Variants in ASIP observed in about 807,000 individuals in gnomAD.
ASIP encodes agouti-signaling protein.
In ASIP, 11 loss-of-function variants were observed where a neutral mutation model predicts 10.3. The ratio of observed to expected loss-of-function variants is 1.07; its 90% CI spans 0.68 to 1.78. The LOEUF is 1.78. Ranked by LOEUF, ASIP falls within the 40% of genes most tolerant of loss-of-function variation. ASIP has a pLI of 0.00. For missense variants in ASIP, 180 were observed against 169.2 expected (o/e 1.06, Z -0.35); for synonymous variants, 70 against 70.8 (o/e 0.99, Z 0.06).
At chr20:34,193,248 CA>C (rs1023396928), upstream of ASIP, among the ~76,000 whole-genome samples, 5 of 152,242 alleles carry the variant, frequency 3.3e-5, no homozygotes, top group African/African-American at 1.2e-4. Flanking sequence ...AGCATTTCTA[CA>C]ACCTCTTTAA....
chr20:34,216,434 A>C (rs2035009529), intron 1 of ASIP, among the ~76,000 whole-genome samples: 2 of 152,250 alleles, frequency 1.3e-5, no homozygotes, highest in South Asian at 4.1e-4. Context: ...AAGCAAAAAA[A>C]TAAATTTTCT....
chr20:34,195,189 C>G (rs2034847217), intron 1 of ASIP, among the ~76,000 whole-genome samples: 1 of 151,588 alleles, frequency 6.6e-6, no homozygotes, highest in African/African-American at 2.4e-5. Context: ...CAGAGCCCTA[C>G]TGAGCTGTAG....
intron 1 of ASIP, among the ~76,000 whole-genome samples, chr20:34,207,607 A>C (rs185547620): frequency 1.0e-3 from 156 of 152,308 alleles, no homozygotes; most frequent in African/African-American, 3.4e-3. Context: ...TGCCAGGACC[A>C]ACATCCTCAA....
chr20:34,258,674 C>CATATATATATATATATATAT (rs772655085), intron 1 of ASIP, among the ~76,000 whole-genome samples: 358 of 12,128 alleles, frequency 0.03, 55 homozygotes, highest in South Asian at 0.069. Context: ...AGGGGGATGC[C>CATATATATATATATATATAT]ATATATATAT....
At chr20:34,249,476 C>T (rs908694299) in intron 1 of ASIP, among the ~76,000 whole-genome samples, 3 of 152,132 alleles carry the variant, frequency 2.0e-5, no homozygotes, top group Non-Finnish European at 4.4e-5. Flanking sequence ...TCTTCATAAC[C>T]ACTGTGTCAT....
chr20:34,235,913 A>AGGAAGGAG (rs2035195420), intron 1 of ASIP, among the ~76,000 whole-genome samples: 4 of 107,106 alleles, frequency 3.7e-5, no homozygotes, highest in African/African-American at 9.3e-5. Context: ...GAAGGAAGGA[A>AGGAAGGAG]GGAAGGAAGG....
At chr20:34,190,616 C>T (rs2034819012), upstream of ASIP, among the ~76,000 whole-genome samples, 1 of 152,204 alleles carries the variant, frequency 6.6e-6, no homozygotes, top group African/African-American at 2.4e-5. Flanking sequence ...GTAAACAGAA[C>T]TCACCCCCTT....
At chr20:34,260,622 C>T (rs1168520412) in intron 2 of ASIP, 88 bp downstream of exon 2, 4 of 1,372,220 alleles carry the variant, frequency 2.9e-6, no homozygotes, top group Non-Finnish European at 4.0e-6. Flanking sequence ...GGATCCACCG[C>T]CATGGTCACG....
chr20:34,265,966 AG>A lies in ASIP; in HGVS notation c.223-3018del, dbSNP rs145894033. Reference sequence around the variant, plus strand: ...CTGTCTCAAAAAAAAACAAAAGCGGAGGGGGGGAAGTTAAAACATTGTTAGT... The same window carrying A: ...CTGTCTCAAAAAAAAACAAAAGCGGAGGGGGGAAGTTAAAACATTGTTAGT... On this transcript the variant is annotated intron_variant, in intron 3 of 3. Coordinates refer to ENST00000374954, the MANE Select transcript of ASIP (RefSeq NM_001672.3). 7.2e-5 allele frequency among the ~76,000 whole-genome samples: 11 copies of A among 151,956 alleles called. No homozygotes were observed. The East Asian group carries it at 7.8e-4, about 11-fold the overall frequency.
chr20:34,215,700 T>G (rs183013364), intron 1 of ASIP: 2 of 1,435,640 alleles, frequency 1.4e-6, no homozygotes, highest in Non-Finnish European at 2.0e-6. Context: ...TATTTGTATT[T>G]AACTTGATGT....
chr20:34,266,764 T>C (rs534534255), intron 3 of ASIP, among the ~76,000 whole-genome samples: 141 of 152,320 alleles, frequency 9.3e-4, no homozygotes, highest in African/African-American at 3.4e-3. Flanking sequence ...CCCTTTCAAG[T>C]TGAAAAAGAT....
chr20:34,248,367 CT>C (rs1216754478), intron 1 of ASIP, among the ~76,000 whole-genome samples: 1 of 152,166 alleles, frequency 6.6e-6, no homozygotes, highest in East Asian at 1.9e-4. Flanking sequence ...ACTAAAACCA[CT>C]TTTAAGTTAT....
chr20:34,269,170 G>GCC lies in ASIP; in HGVS notation c.*7_*8dup. 6.6e-7 allele frequency: 1 copy of GCC among 1,516,508 alleles called. No homozygotes were observed. The highest frequency in any genetic ancestry group is 8.8e-7 in the Non-Finnish European group (1 of 1,131,206). The allele number at this position is 1,516,508 out of a possible 1,614,324, so 93.9% of individuals were successfully genotyped here. A position where few individuals can be genotyped will look rare whatever the true frequency, so the allele number is the denominator to read the frequency against. ...GCGTGCTCAGCCTCAACTGCTGAGC[G>GCC]CCCCCACTCCCGGCCGCGAGCAGGC... On this transcript the variant is annotated 3_prime_UTR_variant, in exon 4 of 4. Coordinates refer to ENST00000374954, the MANE Select transcript of ASIP (RefSeq NM_001672.3).
At chr20:34,214,915 T>C in intron 1 of ASIP, 1 of 1,503,062 alleles carries the variant, frequency 6.7e-7, no homozygotes, top group Non-Finnish European at 9.3e-7. Flanking sequence ...CTCTTGAGCA[T>C]TCTTAATATT....
Position 34,213,616 on chromosome 20 carries a change from G to A in ASIP, c.-11+18856G>A, listed in dbSNP as rs183040505. On this transcript the variant is annotated intron_variant, in intron 1 of 3. Coordinates refer to the ASIP transcript ENST00000568305. ...GGATACTTGTACCTTGAATTTGGCCGTAATCTGGTTGATAAGAGGAATGAA... is the reference window on the plus strand; with the variant it reads ...GGATACTTGTACCTTGAATTTGGCCATAATCTGGTTGATAAGAGGAATGAA... 106 of 1,565,924 alleles carry A rather than the reference G, an allele frequency of 6.8e-5. No homozygotes were observed. The Admixed American group carries it at 9.3e-4, about 14-fold the overall frequency.
rs1410636513 is a variant in ASIP at position 34,241,503 on chromosome 20, GCA to G, written c.-11+15_-11+16del. The G allele has an allele frequency of 1.0e-6, 1 of 985,312 alleles. No individual in the cohort carries two copies. Among genetic ancestry groups the G allele is most frequent in the Non-Finnish European group, 1.2e-6 (1 of 829,932 alleles). The allele number at this position is 985,312 out of a possible 1,614,324, so 61.0% of individuals were successfully genotyped here. On this transcript the variant is annotated intron_variant, in intron 1 of 3. Coordinates refer to ENST00000374954, the MANE Select transcript of ASIP (RefSeq NM_001672.3). ...GCGGGAAAGCATGTGAGTTTAGATG[GCA>G]ACTTTAATCTGCTTTCAGGAGTGAA... is the stretch of plus-strand genomic sequence containing the variant.
chr20:34,209,429 G>T (rs1417851052), intron 1 of ASIP, among the ~76,000 whole-genome samples: 1 of 152,226 alleles, frequency 6.6e-6, no homozygotes, highest in Non-Finnish European at 1.5e-5. Flanking sequence ...GAGCAGGCAG[G>T]AACCCCACCC....
chr20:34,249,567 G>A (rs1196949453), intron 1 of ASIP, among the ~76,000 whole-genome samples: 2 of 152,108 alleles, frequency 1.3e-5, no homozygotes, highest in African/African-American at 2.4e-5. Flanking sequence ...ACCAGGCCTC[G>A]TGCTTAAAGG....
intron 1 of ASIP, chr20:34,246,489 TC>T: frequency 7.3e-7 from 1 of 1,369,746 alleles, no homozygotes; most frequent in Non-Finnish European, 1.0e-6. Flanking sequence ...TTGGCACTGT[TC>T]CTTGGGTCTC....
Sources: gnomAD v4.1 joint callset for allele counts (sites outside exome capture counted in the v4.1 genomes callset) on GRCh38, gnomAD v4.1.1 for gene constraint, MANE v1.5 for transcripts, NCBI Gene and HGNC (gene_info 2026-07-23, HGNC 2026-07-21) for gene names.